Variants in MYO18B observed in about 807,000 individuals in gnomAD.
MYO18B encodes myosin XVIIIB.
Under a neutral mutation model 273.0 loss-of-function variants are expected in MYO18B, and 204 were observed. The observed-to-expected ratio is 0.75, with a 90% CI of 0.67 to 0.84. The LOEUF is 0.84. MYO18B is among the 40% of genes least tolerant of loss of function. The pLI is 0.00. For missense variants in MYO18B, 3,212 were observed against 3,287.6 expected (o/e 0.98, Z 0.56); for synonymous variants, 1,330 against 1,305.7 (o/e 1.02, Z -0.40).
At position 25,946,218 on chromosome 22, in the gene MYO18B, G is replaced by A. The variant is rs761549203; in HGVS notation, c.5599G>A (p.Glu1867Lys). ...AGCGGACCTGGAGAGCATGCACAGC[G>A]AGCTGGAGAACATGACGCGGAACAA... Reference protein sequence around the residue: ...LTADLESMHSELENMTRNKSL... With the variant: ...LTADLESMHSKLENMTRNKSL... The change falls in exon 35 of 44, where the codon GAG (glutamate) becomes AAG (lysine). Residue 1867 changes from glutamate (E) to lysine (K), a missense_variant. Glu to Lys is a moderately conservative substitution (Grantham distance 56). Transcript: ENST00000335473. 6.3e-6 allele frequency: 10 copies of A among 1,581,646 alleles called. No homozygotes were observed. Among genetic ancestry groups the A allele is most frequent in the South Asian group, 3.5e-5 (3 of 85,662 alleles).
intron 11 of MYO18B, among the ~76,000 whole-genome samples, chr22:25,788,114 T>G (rs2087480795): frequency 6.6e-6 from 1 of 152,222 alleles, no homozygotes; most frequent in African/African-American, 2.4e-5. Flanking sequence ...TGTGGGGCAT[T>G]TTTTAGACCA....
At chr22:25,798,595 G>C (rs2088036069) in intron 12 of MYO18B, among the ~76,000 whole-genome samples, 1 of 151,838 alleles carries the variant, frequency 6.6e-6, no homozygotes, top group Non-Finnish European at 1.5e-5. Flanking sequence ...ATAGGGTCTT[G>C]CATTGTTGTT....
chr22:25,747,475 C>G (rs946617195), intron 1 of MYO18B, among the ~76,000 whole-genome samples: 6 of 152,234 alleles, frequency 3.9e-5, no homozygotes, highest in African/African-American at 1.4e-4. Flanking sequence ...CCACGAGGCC[C>G]ATCTGTGAGG....
At chr22:25,748,444 T>C (rs1482607010) in intron 1 of MYO18B, among the ~76,000 whole-genome samples, 1 of 152,084 alleles carries the variant, frequency 6.6e-6, no homozygotes, top group Non-Finnish European at 1.5e-5. Context: ...AGAAACACAA[T>C]TAGAGCAGAC....
Position 25,769,316 on chromosome 22 carries a change from G to A in MYO18B, c.1400G>A (p.Ser467Asn). The A allele has an allele frequency of 1.3e-6, 2 of 1,579,150 alleles. No individual in the cohort carries two copies. The highest frequency in any genetic ancestry group is 1.7e-6 in the Non-Finnish European group (2 of 1,163,136). The change falls in exon 4 of 44, where the codon AGC becomes AAC. Residue 467 changes from serine to asparagine, a missense_variant. Ser to Asn is a conservative substitution (Grantham distance 46, BLOSUM62 1). Transcript: ENST00000335473. ...CTGGAGACAGAGCTGGAAGGACCCA[G>A]CCAGCCTGCTCTGGAGAAGGATGCA... is the stretch of plus-strand genomic sequence containing the variant. ...GALETELEGP[S>N]QPALEKDAER...
At chr22:25,948,527 T>TCTTCCTTCCTTCCTTC (rs562796748) in intron 36 of MYO18B, among the ~76,000 whole-genome samples, 2,280 of 110,462 alleles carry the variant, frequency 0.021, 100 homozygotes, top group African/African-American at 0.028. Flanking sequence ...CTTCTTTCTT[T>TCTTCCTTCCTTCCTTC]CTTCCTTCCT....
intron 3 of MYO18B, among the ~76,000 whole-genome samples, chr22:25,767,887 T>C (rs2086563525): frequency 6.6e-6 from 1 of 152,194 alleles, no homozygotes; most frequent in African/African-American, 2.4e-5. Flanking sequence ...CTTGGTTCTG[T>C]TGGGCTCCAA....
At chr22:25,824,375 ACAGAGACCAG>A (rs927778763) in intron 13 of MYO18B, among the ~76,000 whole-genome samples, 43 of 152,240 alleles carry the variant, frequency 2.8e-4, no homozygotes, top group African/African-American at 1.0e-3. Context: ...TAAGAGAAAG[ACAGAGACCAG>A]CAGTGGCTGC....
At chr22:25,941,021 A>G (rs2092637804) in intron 34 of MYO18B, among the ~76,000 whole-genome samples, 1 of 152,214 alleles carries the variant, frequency 6.6e-6, no homozygotes, top group Non-Finnish European at 1.5e-5. Context: ...CTTAGTACGC[A>G]CGGAGGAAGG....
intron 42 of MYO18B, among the ~76,000 whole-genome samples, chr22:26,024,558 G>T (rs909400597): frequency 1.3e-5 from 2 of 151,484 alleles, no homozygotes; most frequent in East Asian, 3.9e-4. Flanking sequence ...TGACACCCAG[G>T]TCTTACCGTC....
At chr22:25,896,841 T>G (rs6004816) in intron 28 of MYO18B, 3 of 152,062 alleles carry the variant, frequency 2.0e-5, no homozygotes, top group Non-Finnish European at 4.4e-5. Context: ...CAAACTACCA[T>G]TGTGATGTCA....
At chr22:26,014,745 A>G (rs888991035) in intron 42 of MYO18B, among the ~76,000 whole-genome samples, 2 of 152,164 alleles carry the variant, frequency 1.3e-5, no homozygotes, top group African/African-American at 4.8e-5. Flanking sequence ...CTTTTAAATA[A>G]TAGCCATTCT....
At chr22:25,874,187 G>T (rs1175059820) in intron 22 of MYO18B, 99 bp from the exon 23 acceptor site, 16 of 1,430,712 alleles carry the variant, frequency 1.1e-5, no homozygotes, top group Non-Finnish European at 1.3e-5. Context: ...AAATATTGCA[G>T]GTGGGTGCAA....
chr22:25,865,861 T>G (rs2090870451), intron 21 of MYO18B, among the ~76,000 whole-genome samples: 1 of 152,212 alleles, frequency 6.6e-6, no homozygotes. Flanking sequence ...TTATTGTTTT[T>G]TTTTCTTCTT....
rs1353321478 is a variant in MYO18B, at chr22:26,027,216, G to T, written c.7242G>T (p.Leu2414=). Residue 2414 remains leucine (L), a synonymous_variant, in exon 43 of 44, where the codon CTG becomes CTT. Coordinates refer to ENST00000335473, the MANE Select transcript of MYO18B (RefSeq NM_032608.7). The surrounding 1 kb of genome is among the most constrained non-coding windows in gnomAD (Gnocchi z 4.1). ...TCCAGAACCGCCAGTTTGCCCACCT[G>T]ATGGAGGAACCTCTAGGCAGTGACC... The part of the protein sequence containing the change: ...LVFQNRQFAH[L]MEEPLGSDPF... 6.2e-7 allele frequency: 1 copy of T among 1,613,968 alleles called. No homozygotes were observed. The highest frequency in any genetic ancestry group is 1.7e-5 in the Admixed American group (1 of 60,022).
chr22:25,810,433 ATTTT>A (rs369429871), intron 12 of MYO18B, among the ~76,000 whole-genome samples: 1 of 96,882 alleles, frequency 1.0e-5, no homozygotes, highest in Non-Finnish European at 2.1e-5. Context: ...ATAGGCTATA[ATTTT>A]TTTTTTTTTT....
chr22:25,847,948 TACACACACACACAC>T (rs59375568), intron 20 of MYO18B, among the ~76,000 whole-genome samples: 2 of 146,176 alleles, frequency 1.4e-5, no homozygotes, highest in Non-Finnish European at 3.0e-5. Context: ...CACACACACA[TACACACACACACAC>T]ACACACACAC....
At chr22:25,990,455 G>A (rs984829287) in intron 39 of MYO18B, among the ~76,000 whole-genome samples, 1 of 152,092 alleles carries the variant, frequency 6.6e-6, no homozygotes, top group East Asian at 1.9e-4. Flanking sequence ...GGAGGCCAAG[G>A]TGGGTGAATC....
At chr22:25,747,384 C>T (rs1243673533) in intron 1 of MYO18B, among the ~76,000 whole-genome samples, 1 of 152,220 alleles carries the variant, frequency 6.6e-6, no homozygotes, top group South Asian at 2.1e-4. Context: ...TTTCTCAATA[C>T]AACACTCTGG....
Sources: allele counts gnomAD v4.1 joint callset (sites outside exome capture counted in the v4.1 genomes callset), GRCh38; gene constraint gnomAD v4.1.1; non-coding constraint Gnocchi (gnomAD v3.1); transcripts MANE v1.5; gene names NCBI Gene and HGNC (gene_info 2026-07-23, HGNC 2026-07-21).